The following NAV1 variants were observed in gnomAD, a reference collection of about 807,000 sequenced individuals.
NAV1 encodes neuron navigator 1, also known as pore membrane and/or filament interacting like protein 3.
In NAV1, 18 loss-of-function variants were observed where a neutral mutation model predicts 175.2. The observed-to-expected ratio is 0.10, with a 90% confidence interval of 0.07 to 0.15. The LOEUF (loss-of-function observed/expected upper bound fraction) is 0.15, where lower values mean the gene tolerates loss of function less well. NAV1 is among the 10% of genes least tolerant of loss of function. The pLI, the probability that NAV1 is intolerant of heterozygous loss-of-function variation, is 1.00. For synonymous variants in NAV1, 897 were observed against 978.7 expected, an observed-to-expected ratio of 0.92 and a Z score of 1.56; for missense variants, 1,731 against 2,436.6, an observed-to-expected ratio of 0.71 and a Z score of 6.10.
At chr1:201,589,711 C>T (rs934539807) in intron 2 of NAV1, among the ~76,000 whole-genome samples, 2 of 152,098 alleles carry the variant, frequency 1.3e-5, no homozygotes, top group Non-Finnish European at 2.9e-5. Flanking sequence ...AGGCTTATCT[C>T]GAACTCCTGG....
At chr1:201,542,889 T>C (rs572069203) in intron 1 of NAV1, among the ~76,000 whole-genome samples, 61 of 152,374 alleles carry the variant, frequency 4.0e-4, no homozygotes, top group Non-Finnish European at 7.5e-4. Context: ...CTGAAAGCTT[T>C]CATAAATGGA....
intron 1 of NAV1, among the ~76,000 whole-genome samples, chr1:201,649,832 G>C (rs530464457): frequency 6.6e-6 from 1 of 152,332 alleles, no homozygotes; most frequent in Non-Finnish European, 1.5e-5. Flanking sequence ...AGCGTCCAGC[G>C]AGAGCCCGGA....
chr1:201,700,610 A>G (rs1671374338), intron 1 of NAV1, among the ~76,000 whole-genome samples: 1 of 152,238 alleles, frequency 6.6e-6, no homozygotes, highest in Admixed American at 6.5e-5. Flanking sequence ...ATTATAAATC[A>G]TGCTACTATA....
chr1:201,554,274 T>A (rs1665949484), intron 1 of NAV1, among the ~76,000 whole-genome samples: 1 of 152,044 alleles, frequency 6.6e-6, no homozygotes, highest in Non-Finnish European at 1.5e-5. Flanking sequence ...GAGCCTGTGG[T>A]GGGGAGACAC....
At chr1:201,758,537 C>G (rs566789796) in intron 3 of NAV1, among the ~76,000 whole-genome samples, 5 of 152,298 alleles carry the variant, frequency 3.3e-5, no homozygotes, top group Non-Finnish European at 7.4e-5. Flanking sequence ...AACCTCATTT[C>G]TTTTTCACAA....
intron 1 of NAV1, among the ~76,000 whole-genome samples, chr1:201,581,879 T>A (rs585041): frequency 0.38 from 57,387 of 151,646 alleles, 12,403 homozygotes; most frequent in African/African-American, 0.58. Flanking sequence ...AGAATTTTTT[T>A]AAAAATGACC....
intron 1 of NAV1, among the ~76,000 whole-genome samples, chr1:201,656,371 C>A (rs1371693754): frequency 2.0e-5 from 3 of 152,180 alleles, no homozygotes; most frequent in Non-Finnish European, 4.4e-5. Context: ...GTGTTCCCAG[C>A]GTTGGTTCTT....
At chr1:201,574,566 G>T (rs1234049265) in intron 1 of NAV1, among the ~76,000 whole-genome samples, 4 of 152,186 alleles carry the variant, frequency 2.6e-5, no homozygotes, top group African/African-American at 9.7e-5. Flanking sequence ...AAAAGAGCTT[G>T]TTGGATATCC....
chr1:201,813,146 G>A lies in NAV1; in HGVS notation c.5228G>A (p.Cys1743Tyr). Residue 1743 changes from cysteine (C) to tyrosine (Y), a missense_variant, in exon 28 of 30, where the codon TGC (cysteine) becomes TAC (tyrosine). Physicochemically the swap from Cys to Tyr is radical, Grantham distance 194. Transcript: ENST00000367296. The surrounding 1 kb of genome is among the most constrained non-coding windows in gnomAD (Gnocchi z 4.2). Reference sequence around the variant, plus strand: ...GCCCCATCCTCTTCCCTAGGCCCTTGCTTCTTTCTGTCGTGTCCCATTGGC... The same window carrying A: ...GCCCCATCCTCTTCCCTAGGCCCTTACTTCTTTCTGTCGTGTCCCATTGGC... 6.2e-7 allele frequency: 1 copy of A among 1,613,538 alleles called. No homozygotes were observed. The highest frequency in any genetic ancestry group is 8.5e-7 in the Non-Finnish European group (1 of 1,179,536).
intron 2 of NAV1, among the ~76,000 whole-genome samples, chr1:201,602,269 C>A (rs1265133554): frequency 6.6e-6 from 1 of 152,218 alleles, no homozygotes; most frequent in Non-Finnish European, 1.5e-5. Flanking sequence ...AAGAATTGGA[C>A]CCCACTGGGC....
chr1:201,608,660 G>T (rs1667761168), intron 2 of NAV1, among the ~76,000 whole-genome samples: 1 of 152,186 alleles, frequency 6.6e-6, no homozygotes, highest in Non-Finnish European at 1.5e-5. Flanking sequence ...CAGGATGCTG[G>T]GCCTTGGGCA....
At chr1:201,824,983 C>T (rs1033679011) in exon 30 of NAV1, 2 of 152,184 alleles carry the variant, frequency 1.3e-5, no homozygotes, top group Non-Finnish European at 2.9e-5. Flanking sequence ...GGAGTTCCCA[C>T]ACTGAGAGGC....
intron 16 of NAV1, 86 bp from the exon 21 acceptor site, chr1:201,804,403 A>G: frequency 7.6e-7 from 1 of 1,308,004 alleles, no homozygotes; most frequent in East Asian, 2.5e-5. Flanking sequence ...GCAGACAGGT[A>G]CCAGCTGTGT....
chr1:201,642,521 CTTTTTT>C (rs145876654), intron 2 of NAV1, among the ~76,000 whole-genome samples: 145 of 97,696 alleles, frequency 1.5e-3, no homozygotes, highest in African/African-American at 8.7e-3. Context: ...CTCTTTCTTT[CTTTTTT>C]TCTTTCTTTC....
chr1:201,576,835 A>G (rs1024845717), intron 1 of NAV1, among the ~76,000 whole-genome samples: 1 of 152,220 alleles, frequency 6.6e-6, no homozygotes, highest in Non-Finnish European at 1.5e-5. Flanking sequence ...TCTAATATGT[A>G]TGTAGTAATA....
chr1:201,601,261 C>T (rs1667501694), intron 2 of NAV1, among the ~76,000 whole-genome samples: 1 of 152,170 alleles, frequency 6.6e-6, no homozygotes, highest in Admixed American at 6.5e-5. Flanking sequence ...GCAGGAGGAT[C>T]ACTTGAGTCC....
In NAV1 at chr1:201,597,912, G is replaced by A. The variant is rs542696377; in HGVS notation, c.-33+9263G>A. Among the ~76,000 whole-genome samples the A allele has an allele frequency of 1.5e-3, 226 of 152,320 alleles. 5 individuals are homozygous for A. Among genetic ancestry groups the A allele is most frequent in the Admixed American group, 0.015 (225 of 15,302 alleles). ...GCCCCAGATTCCAGAGAGCAGAGTC[G>A]GGGAAGTAGGCCCCACCCACCTTGG... On this transcript the variant is annotated intron_variant, in intron 2 of 33. Transcript: ENST00000685211.
chr1:201,569,040 C>T (rs1666452374), intron 1 of NAV1, among the ~76,000 whole-genome samples: 1 of 152,182 alleles, frequency 6.6e-6, no homozygotes, highest in Admixed American at 6.5e-5. Flanking sequence ...GTTAGCAGGA[C>T]ACCCAGGGAG....
intron 1 of NAV1, among the ~76,000 whole-genome samples, chr1:201,563,060 C>A (rs746827619): frequency 1.9e-4 from 29 of 152,184 alleles, no homozygotes; most frequent in Non-Finnish European, 2.8e-4. Context: ...CTGAGCCTCC[C>A]AATTGAAATA....
Sources: gnomAD v4.1 joint callset for allele counts (sites outside exome capture counted in the v4.1 genomes callset) on GRCh38, gnomAD v4.1.1 for gene constraint, Gnocchi (gnomAD v3.1) non-coding constraint, MANE v1.5 for transcripts, NCBI Gene and HGNC (gene_info 2026-07-23, HGNC 2026-07-21) for gene names.